LIN52: variants seen among roughly 807,000 people sequenced by gnomAD.
The protein encoded by LIN52 is lin-52 DREAM MuvB core complex component, also known as protein lin-52 homolog.
In LIN52, 4 loss-of-function variants were observed where a neutral mutation model predicts 18.5. The ratio of observed to expected loss-of-function variants is 0.22; its 90% confidence interval spans 0.11 to 0.49. The LOEUF is 0.49. Among genes scored for constraint, LIN52 ranks in the 20% least tolerant of loss-of-function variants. The pLI is 0.97. For missense variants in LIN52, 102 were observed against 139.5 expected (o/e 0.73, Z 1.35); for synonymous variants, 34 against 45.5 (o/e 0.75, Z 1.02).
intron 5 of LIN52, among the ~76,000 whole-genome samples, chr14:74,180,254 G>A (rs1323248379): frequency 5.5e-4 from 79 of 143,756 alleles, no homozygotes; most frequent in South Asian, 1.1e-3. Context: ...TCAAAGGAGG[G>A]AGGAGGAATT....
intron 4 of LIN52, 66 bp from the exon 5 acceptor site, chr14:74,101,089 C>A: frequency 7.6e-7 from 1 of 1,319,958 alleles, no homozygotes; most frequent in Non-Finnish European, 1.1e-6. Context: ...GAGTTCCCAA[C>A]CCAAGGAAGT....
intron 5 of LIN52, among the ~76,000 whole-genome samples, chr14:74,129,495 G>T: frequency 6.6e-6 from 1 of 152,156 alleles, no homozygotes; most frequent in East Asian, 1.9e-4. Flanking sequence ...GATCAGGTTT[G>T]TGAGTTGGTG....
intron 5 of LIN52, among the ~76,000 whole-genome samples, chr14:74,173,306 G>T (rs1187027279): frequency 1.3e-5 from 2 of 152,122 alleles, no homozygotes; most frequent in African/African-American, 4.8e-5. Context: ...TCCTGCCTCA[G>T]CCCCCTGAAT....
chr14:74,149,527 CACTATA>C (rs1375628443), intron 5 of LIN52, among the ~76,000 whole-genome samples: 1 of 152,120 alleles, frequency 6.6e-6, no homozygotes, highest in East Asian at 1.9e-4. Flanking sequence ...GGGTCTTTGT[CACTATA>C]AATAGGAGAA....
chr14:74,133,508 C>T (rs971854667), intron 5 of LIN52, among the ~76,000 whole-genome samples: 6 of 152,310 alleles, frequency 3.9e-5, no homozygotes, highest in Non-Finnish European at 8.8e-5. Context: ...ACACATTAAT[C>T]AGTGCATGCA....
chr14:74,089,196 G>C (rs756312358), intron 1 of LIN52, among the ~76,000 whole-genome samples: 46 of 152,060 alleles, frequency 3.0e-4, no homozygotes, highest in Non-Finnish European at 5.1e-4. Context: ...AGGTAGAAAC[G>C]ACTAGATTTA....
chr14:74,181,107 CAAAAAAAAAAAA>C (rs149099646), intron 5 of LIN52, among the ~76,000 whole-genome samples: 3 of 96,132 alleles, frequency 3.1e-5, no homozygotes, highest in African/African-American at 4.1e-5. Context: ...GACTCTGTCT[CAAAAAAAAAAAA>C]AAAAAAAAAG....
intron 5 of LIN52, among the ~76,000 whole-genome samples, chr14:74,130,203 C>T (rs1268632084): frequency 2.0e-5 from 3 of 149,260 alleles, no homozygotes; most frequent in Non-Finnish European, 4.4e-5. Flanking sequence ...CCATATCACC[C>T]TGTCTCAAAA....
chr14:74,095,904 C>T (rs754906634), intron 2 of LIN52, 44 bp from the exon 3 acceptor site: 2 of 1,294,836 alleles, frequency 1.5e-6, no homozygotes, highest in Admixed American at 3.8e-5. Context: ...TATGCCTGAG[C>T]AATCATACTT....
chr14:74,105,514 T>A (rs898459973), intron 5 of LIN52, among the ~76,000 whole-genome samples: 3 of 152,228 alleles, frequency 2.0e-5, no homozygotes, highest in Non-Finnish European at 2.9e-5. Context: ...TGATGTGTAT[T>A]GAACTTCTTA....
At chr14:74,094,099 A>G (rs2060791807) in intron 2 of LIN52, among the ~76,000 whole-genome samples, 2 of 151,998 alleles carry the variant, frequency 1.3e-5, no homozygotes, top group East Asian at 3.8e-4. Flanking sequence ...TTGGAGTCAT[A>G]TGCATGTGGC....
chr14:74,101,042 A>T, intron 4 of LIN52, 113 bp from the exon 5 acceptor site: 1 of 783,760 alleles, frequency 1.3e-6, no homozygotes. Context: ...TTTTCTACTT[A>T]TTCAGTGGTA....
At chr14:74,094,441 G>T (rs999375856) in intron 2 of LIN52, among the ~76,000 whole-genome samples, 2 of 152,030 alleles carry the variant, frequency 1.3e-5, no homozygotes, top group African/African-American at 2.4e-5. Context: ...AAAATTTTGG[G>T]GGGGACAAGA....
intron 4 of LIN52, among the ~76,000 whole-genome samples, chr14:74,100,326 G>A (rs1239951443): frequency 6.6e-6 from 1 of 151,820 alleles, no homozygotes; most frequent in East Asian, 1.9e-4. Context: ...TTTTTTATTT[G>A]AGAAAAGGTC....
chr14:74,102,881 A>G (rs2060867851), intron 5 of LIN52, among the ~76,000 whole-genome samples: 1 of 151,950 alleles, frequency 6.6e-6, no homozygotes, highest in Non-Finnish European at 1.5e-5. Context: ...CCTGCTTTTT[A>G]TTATTTATAC....
chr14:74,130,278 G>GTATTTTTTTTT (rs1566856480), intron 5 of LIN52, among the ~76,000 whole-genome samples: 1 of 64,842 alleles, frequency 1.5e-5, no homozygotes, highest in Admixed American at 2.2e-4. Flanking sequence ...GCATTTTTTG[G>GTATTTTTTTTT]TTTTTTTTTT....
At chr14:74,095,425 G>T (rs956880717) in intron 2 of LIN52, among the ~76,000 whole-genome samples, 8 of 151,900 alleles carry the variant, frequency 5.3e-5, no homozygotes, top group African/African-American at 1.9e-4. Context: ...ATGAGCCACT[G>T]CACCCGGCCC....
chr14:74,102,227 A>G (rs1048136229), intron 5 of LIN52, among the ~76,000 whole-genome samples: 2 of 152,192 alleles, frequency 1.3e-5, no homozygotes, highest in African/African-American at 4.8e-5. Flanking sequence ...TGGGCGACAG[A>G]GTAAGACTCT....
At chr14:74,178,026 G>C (rs550853149) in intron 5 of LIN52, among the ~76,000 whole-genome samples, 1 of 152,184 alleles carries the variant, frequency 6.6e-6, no homozygotes, top group East Asian at 1.9e-4. Flanking sequence ...TGATTCACCT[G>C]CCTCGGCCTC....
Sources: gnomAD v4.1 joint callset for allele counts (sites outside exome capture counted in the v4.1 genomes callset) on GRCh38, gnomAD v4.1.1 for gene constraint, MANE v1.5 for transcripts, NCBI Gene and HGNC (gene_info 2026-07-23, HGNC 2026-07-21) for gene names.